The following DOP1B variants were observed in gnomAD, a reference collection of about 807,000 sequenced individuals.
DOP1B encodes the protein protein DOP1B.
DOP1B carries 174 observed loss-of-function variants against 233.5 expected under a neutral mutation model. That is an observed-to-expected ratio of 0.75 (90% CI 0.66 to 0.85). The LOEUF (loss-of-function observed/expected upper bound fraction) is 0.85, where lower values mean the gene tolerates loss of function less well. Ranked by LOEUF, DOP1B falls within the 40% of genes least tolerant of loss-of-function variation. The pLI is 0.00. For synonymous variants in DOP1B, 1,190 were observed against 1,185.6 expected (o/e 1.00, Z -0.08); for missense variants, 2,652 against 2,846.6 (o/e 0.93, Z 1.56).
chr21:36,162,191 CTTTAA>C (rs1450464408), intron 1 of DOP1B, among the ~76,000 whole-genome samples: 1 of 152,142 alleles, frequency 6.6e-6, no homozygotes, highest in Non-Finnish European at 1.5e-5. Context: ...CCTTGGGTCT[CTTTAA>C]TTTAGTTTAT....
In DOP1B at chr21:36,237,197, A is replaced by G. The variant is rs183425707; in HGVS notation, c.2623-65A>G. ...TGTCGGGGCTGGGACTGACTGAGTG[A>G]GGATGTGAGCGGATGTTGCCTGTGT... On this transcript the variant is annotated intron_variant, in intron 15 of 36. Transcript: ENST00000691173. The G allele has an allele frequency of 6.7e-4, 1,079 of 1,602,548 alleles. 16 individuals carry two copies. The highest frequency in any genetic ancestry group is 1.1e-4 in the Non-Finnish European group (134 of 1,170,812).
At chr21:36,172,702 C>T (rs1475562226) in intron 2 of DOP1B, among the ~76,000 whole-genome samples, 3 of 152,112 alleles carry the variant, frequency 2.0e-5, no homozygotes, top group African/African-American at 4.8e-5. Flanking sequence ...GGAGCTCTTG[C>T]ACCACTGCAC....
intron 2 of DOP1B, chr21:36,169,299 C>T (rs968269706): frequency 3.8e-6 from 3 of 792,630 alleles, no homozygotes; most frequent in Non-Finnish European, 4.5e-6. Flanking sequence ...GGTTTGCTGT[C>T]CTCAGTAAGG....
chr21:36,259,762 A>G (rs1182787413), intron 23 of DOP1B, among the ~76,000 whole-genome samples: 1 of 152,126 alleles, frequency 6.6e-6, no homozygotes, highest in African/African-American at 2.4e-5. Context: ...AATTTCTACA[A>G]ATACCTGCAA....
At chr21:36,180,464 G>T (rs1187430686) in intron 2 of DOP1B, among the ~76,000 whole-genome samples, 5 of 152,266 alleles carry the variant, frequency 3.3e-5, no homozygotes, top group South Asian at 4.1e-4. Context: ...CTAGCTACTT[G>T]GGAGGCTGAG....
chr21:36,263,086 T>C (rs1474550198), intron 24 of DOP1B, among the ~76,000 whole-genome samples: 2 of 151,390 alleles, frequency 1.3e-5, no homozygotes, highest in Admixed American at 1.3e-4. Flanking sequence ...AATACAAAAT[T>C]AGCCGAGCGT....
chr21:36,191,867 T>C (rs2066238445), intron 2 of DOP1B, among the ~76,000 whole-genome samples: 3 of 152,186 alleles, frequency 2.0e-5, no homozygotes, highest in South Asian at 4.1e-4. Flanking sequence ...TCTTTTCTCT[T>C]TATGCTATTG....
In DOP1B at chr21:36,246,216, C is replaced by T. The variant is rs768732120; in HGVS notation, c.4236C>T (p.Ala1412=). Residue 1412 remains alanine (A), a synonymous_variant, in exon 19 of 37, where the codon GCC becomes GCT. Transcript: ENST00000691173. This position sits in a 1 kb window ranked among gnomAD's most constrained non-coding sequence, Gnocchi z 5.1. ...TGGCCACCGCCCACCACGGCAGGGC[C>T]CTGCCAGAGGACAGCCTCTTTGAGG... The part of the protein sequence containing the change: ...YGLATAHHGR[A]LPEDSLFEES... 1.2e-6 allele frequency: 2 copies of T among 1,613,852 alleles called. No homozygotes were observed. The highest frequency in any genetic ancestry group is 1.7e-5 in the Admixed American group (1 of 60,006).
chr21:36,288,435 G>A (rs1189206758), intron 33 of DOP1B, among the ~76,000 whole-genome samples: 2 of 152,102 alleles, frequency 1.3e-5, no homozygotes, highest in Non-Finnish European at 1.5e-5. Flanking sequence ...GCTTATGCCT[G>A]TAATCCCAGC....
chr21:36,194,944 AC>A (rs1255713464), intron 2 of DOP1B, among the ~76,000 whole-genome samples: 1 of 152,076 alleles, frequency 6.6e-6, no homozygotes, highest in Non-Finnish European at 1.5e-5. Flanking sequence ...AGTGGCTGAC[AC>A]CTGTAATCCC....
At chr21:36,187,558 A>G (rs2066178619) in intron 2 of DOP1B, among the ~76,000 whole-genome samples, 1 of 151,416 alleles carries the variant, frequency 6.6e-6, no homozygotes, top group African/African-American at 2.4e-5. Context: ...TTGCCTCCCA[A>G]AGTGCTGGGA....
chr21:36,193,021 C>T (rs66826052), intron 2 of DOP1B, among the ~76,000 whole-genome samples: 28,055 of 152,044 alleles, frequency 0.18, 2,538 homozygotes, highest in Non-Finnish European at 0.2. Flanking sequence ...GAAATTCATA[C>T]TGTTTTATCT....
intron 18 of DOP1B, among the ~76,000 whole-genome samples, chr21:36,242,094 A>G (rs1406681719): frequency 6.6e-6 from 1 of 151,754 alleles, no homozygotes; most frequent in Non-Finnish European, 1.5e-5. Context: ...TACATTTTTT[A>G]GTATTTCTTT....
intron 2 of DOP1B, among the ~76,000 whole-genome samples, chr21:36,196,940 A>ATT (rs796111771): frequency 0.017 from 2,451 of 142,860 alleles, 87 homozygotes; most frequent in African/African-American, 0.058. Context: ...GTTATATCTG[A>ATT]TTTTTTTTTT....
intron 26 of DOP1B, among the ~76,000 whole-genome samples, chr21:36,266,773 A>G (rs2067235430): frequency 6.6e-6 from 1 of 152,236 alleles, no homozygotes; most frequent in Admixed American, 6.5e-5. Flanking sequence ...AGCCACAACC[A>G]TCTAAGACAC....
At chr21:36,175,071 A>G (rs2066008693) in intron 2 of DOP1B, among the ~76,000 whole-genome samples, 2 of 151,288 alleles carry the variant, frequency 1.3e-5, no homozygotes, top group Non-Finnish European at 2.9e-5. Context: ...TCCTCACAGG[A>G]TCATCCCTCT....
At chr21:36,183,231 T>C (rs1224044926) in intron 2 of DOP1B, among the ~76,000 whole-genome samples, 1 of 152,162 alleles carries the variant, frequency 6.6e-6, no homozygotes, top group African/African-American at 2.4e-5. Flanking sequence ...TTCTGTCCAG[T>C]AGATGCCAGT....
At chr21:36,279,470 C>G (rs1276095074) in intron 30 of DOP1B, among the ~76,000 whole-genome samples, 1 of 152,116 alleles carries the variant, frequency 6.6e-6, no homozygotes, top group Non-Finnish European at 1.5e-5. Flanking sequence ...TTATTAATGA[C>G]AGGAAGGCTT....
At chr21:36,163,588 G>A (rs181634409) in intron 1 of DOP1B, among the ~76,000 whole-genome samples, 16 of 152,214 alleles carry the variant, frequency 1.1e-4, no homozygotes, top group East Asian at 1.9e-4. Context: ...CCAGCTAACC[G>A]CGTTCACTCA....
Sources: gnomAD v4.1 joint callset for allele counts (sites outside exome capture counted in the v4.1 genomes callset) on GRCh38, gnomAD v4.1.1 for gene constraint, Gnocchi (gnomAD v3.1) non-coding constraint, MANE v1.5 for transcripts, NCBI Gene and HGNC (gene_info 2026-07-23, HGNC 2026-07-21) for gene names.